The following ADCK1 variants were observed in gnomAD, a reference collection of about 807,000 sequenced individuals.
ADCK1 encodes the protein aarF domain containing kinase 1.
Under a neutral mutation model 52.3 loss-of-function variants are expected in ADCK1, and 41 were observed. That is an observed-to-expected ratio of 0.78 (90% CI 0.61 to 1.02). The LOEUF (loss-of-function observed/expected upper bound fraction) is 1.02, where lower values mean the gene tolerates loss of function less well. Among genes scored for constraint, ADCK1 ranks in the 50% least tolerant of loss-of-function variants. The probability of loss-of-function intolerance (pLI) is 0.00; values close to 1 mark genes in which losing one functional copy is unlikely to be tolerated. For missense variants in ADCK1, 658 were observed against 679.5 expected (o/e 0.97, Z 0.35); for synonymous variants, 250 against 274.6 (o/e 0.91, Z 0.89).
At chr14:77,915,335 C>A (rs2083896173) in intron 7 of ADCK1, among the ~76,000 whole-genome samples, 1 of 134,594 alleles carries the variant, frequency 7.4e-6, no homozygotes. Context: ...CCTCCCCCCT[C>A]CCCCCTACCC....
At position 77,922,050 on chromosome 14, in the gene ADCK1, C is replaced by T. The variant is rs2084074827; in HGVS notation, c.859-2407C>T. Among the ~76,000 whole-genome samples, 2 of 152,124 alleles carry T rather than the reference C, an allele frequency of 1.3e-5. 1 individual carries two copies. Among genetic ancestry groups the T allele is most frequent in the Admixed American group, 1.3e-4 (2 of 15,272 alleles). The stretch of plus-strand genomic sequence containing the variant: ...AGCCCTGATTGGACCTTATATGTGT[C>T]CTTGACAAATAAAAATGAATGATTA... On this transcript the variant is annotated intron_variant, in intron 7 of 10. Coordinates refer to ENST00000238561, the MANE Select transcript of ADCK1 (RefSeq NM_020421.4).
intron 1 of ADCK1, among the ~76,000 whole-genome samples, chr14:77,815,815 C>CTTT (rs35299824): frequency 4.1e-5 from 5 of 121,808 alleles, no homozygotes; most frequent in African/African-American, 9.2e-5. Flanking sequence ...CCGCACCTGG[C>CTTT]TTTTTTTTTT....
chr14:77,828,719 G>T (rs2081773681), intron 3 of ADCK1, among the ~76,000 whole-genome samples: 1 of 152,046 alleles, frequency 6.6e-6, no homozygotes, highest in African/African-American at 2.4e-5. Context: ...TAGAGACGGG[G>T]TTTCACTATG....
intron 6 of ADCK1, 63 bp from the exon 7 acceptor site, chr14:77,907,740 A>G (rs1254587693): frequency 3.8e-6 from 5 of 1,309,902 alleles, no homozygotes; most frequent in Admixed American, 2.0e-5. Flanking sequence ...GCTGTGCCAC[A>G]TTGTCATCCT....
At chr14:77,880,640 C>T (rs2140190011) in intron 4 of ADCK1, among the ~76,000 whole-genome samples, 1 of 152,258 alleles carries the variant, frequency 6.6e-6, no homozygotes, top group Non-Finnish European at 1.5e-5. Context: ...ACACTTGATG[C>T]CTGTTCTCCC....
At chr14:77,884,330 A>C (rs1315170575) in intron 4 of ADCK1, among the ~76,000 whole-genome samples, 1 of 152,202 alleles carries the variant, frequency 6.6e-6, no homozygotes, top group African/African-American at 2.4e-5. Context: ...GAGGGCTTGC[A>C]AAGGGACTTG....
intron 4 of ADCK1, among the ~76,000 whole-genome samples, chr14:77,875,234 G>A (rs1315382512): frequency 6.6e-6 from 1 of 152,162 alleles, no homozygotes; most frequent in African/African-American, 2.4e-5. Context: ...GGGTTACATG[G>A]AGAGGTGTGG....
intron 1 of ADCK1, among the ~76,000 whole-genome samples, chr14:77,803,144 T>G (rs1239124444): frequency 6.6e-6 from 1 of 152,112 alleles, no homozygotes; most frequent in Non-Finnish European, 1.5e-5. Context: ...AGGGACCAGG[T>G]TCTTCTGAAG....
chr14:77,809,832 C>G (rs1268904172), intron 1 of ADCK1, among the ~76,000 whole-genome samples: 2 of 151,060 alleles, frequency 1.3e-5, no homozygotes, highest in East Asian at 4.0e-4. Flanking sequence ...GCCAGGAGTT[C>G]GAGACCAGCC....
intron 3 of ADCK1, among the ~76,000 whole-genome samples, chr14:77,836,670 C>T (rs369750421): frequency 2.0e-5 from 3 of 152,144 alleles, no homozygotes; most frequent in African/African-American, 7.2e-5. Flanking sequence ...TAGGGAAGAA[C>T]CCTTCCTTGC....
chr14:77,895,184 G>A (rs1285279559), intron 5 of ADCK1, among the ~76,000 whole-genome samples: 1 of 152,164 alleles, frequency 6.6e-6, no homozygotes, highest in African/African-American at 2.4e-5. Flanking sequence ...TTACCTTGAA[G>A]GAAGTATTAA....
At chr14:77,931,139 T>A (rs553508155) in intron 9 of ADCK1, among the ~76,000 whole-genome samples, 1 of 152,278 alleles carries the variant, frequency 6.6e-6, no homozygotes, top group East Asian at 1.9e-4. Context: ...CAGGTCAGCC[T>A]GAGCTAGGCT....
At chr14:77,898,144 C>T (rs1440684558) in intron 5 of ADCK1, among the ~76,000 whole-genome samples, 4 of 152,144 alleles carry the variant, frequency 2.6e-5, no homozygotes, top group Admixed American at 1.3e-4. Context: ...TCTGTAATCC[C>T]AGCCACTCAG....
rs1402197826 is a variant in ADCK1, at chr14:77,934,792, T to C, written c.*1401T>C. ...TGAGCCTAATTTTCTGTACTCTTTATTCATAGTACAGCAAGCAGATTTTTC... is the reference window on the plus strand; with the variant it reads ...TGAGCCTAATTTTCTGTACTCTTTACTCATAGTACAGCAAGCAGATTTTTC... On this transcript the variant is annotated 3_prime_UTR_variant, in exon 11 of 11. Transcript: ENST00000238561. 6.6e-6 allele frequency: 1 copy of C among 152,214 alleles called. No individual in the cohort carries two copies. Among genetic ancestry groups the C allele is most frequent in the Non-Finnish European group, 1.5e-5 (1 of 68,048 alleles). 9.4% of individuals were successfully genotyped at this position (152,214 alleles called of 1,614,324 possible). A position where few individuals can be genotyped will look rare whatever the true frequency, so the allele number is the denominator to read the frequency against.
At chr14:77,880,146 CT>C (rs771520145) in intron 4 of ADCK1, among the ~76,000 whole-genome samples, 14 of 152,168 alleles carry the variant, frequency 9.2e-5, no homozygotes, top group Non-Finnish European at 2.1e-4. Context: ...ATGGGTGCCC[CT>C]GGCTTCTTTT....
chr14:77,885,552 G>A (rs936386116), intron 4 of ADCK1, among the ~76,000 whole-genome samples: 1 of 152,198 alleles, frequency 6.6e-6, no homozygotes, highest in Non-Finnish European at 1.5e-5. Flanking sequence ...GATTAGGAAA[G>A]TGATGGTGTA....
intron 4 of ADCK1, among the ~76,000 whole-genome samples, chr14:77,866,492 G>C (rs11159300): frequency 6.6e-6 from 1 of 151,964 alleles, no homozygotes; most frequent in African/African-American, 2.4e-5. Context: ...CTCCCACTTT[G>C]GGGGGTTACC....
intron 4 of ADCK1, among the ~76,000 whole-genome samples, chr14:77,864,381 A>G (rs2140149877): frequency 6.6e-6 from 1 of 152,330 alleles, no homozygotes; most frequent in Admixed American, 6.5e-5. Context: ...TGGTAGAGGC[A>G]GAGAGCAGGC....
chr14:77,807,038 CTTT>C (rs770430499), intron 1 of ADCK1, among the ~76,000 whole-genome samples: 6 of 99,236 alleles, frequency 6.0e-5, no homozygotes, highest in African/African-American at 2.0e-4. Context: ...CTCTCTCTCT[CTTT>C]TTTTTTTTTT....
Sources: allele counts gnomAD v4.1 joint callset (sites outside exome capture counted in the v4.1 genomes callset), GRCh38; gene constraint gnomAD v4.1.1; transcripts MANE v1.5; gene names NCBI Gene and HGNC (gene_info 2026-07-23, HGNC 2026-07-21).